Variants in HEMK1 observed in about 807,000 individuals in gnomAD.
The protein encoded by HEMK1 is HemK methyltransferase 1, mitochondrial release factors N(5)-glutamine, also known as MTRF1L release factor glutamine methyltransferase.
A neutral mutation model predicts 47.9 loss-of-function variants in HEMK1; 36 were observed. The ratio of observed to expected loss-of-function variants is 0.75; its 90% confidence interval spans 0.58 to 0.99. The LOEUF (loss-of-function observed/expected upper bound fraction) is 0.99. HEMK1 is among the 50% of genes least tolerant of loss of function. The probability of loss-of-function intolerance (pLI) is 0.00; values close to 1 mark genes in which losing one functional copy is unlikely to be tolerated. For synonymous variants in HEMK1, 153 were observed against 165.4 expected, an observed-to-expected ratio of 0.93 and a Z score of 0.57; for missense variants, 383 against 434.5, an observed-to-expected ratio of 0.88 and a Z score of 1.05.
At position 50,578,815 on chromosome 3, in the gene HEMK1, C is replaced by T. The variant is rs201849147; in HGVS notation, c.665-6C>T. ...CCCTACTGTGTGTCCTCTTCTTTGACGACAGAAAGGAGCTGGACACACCTG... is the reference window on the plus strand; with the variant it reads ...CCCTACTGTGTGTCCTCTTCTTTGATGACAGAAAGGAGCTGGACACACCTG... On this transcript the variant is annotated splice_polypyrimidine_tract_variant and splice_region_variant and intron_variant, in intron 7 of 10. Transcript: ENST00000232854. The T allele has an allele frequency of 6.4e-4, 1,019 of 1,601,410 alleles. 1 individual carries two copies. Among genetic ancestry groups the T allele is most frequent in the Non-Finnish European group, 7.1e-4 (835 of 1,169,870 alleles).
At position 50,571,006 on chromosome 3, in the gene HEMK1, G is replaced by C. The variant is rs1386251715; in HGVS notation, c.-99G>C. 6.9e-6 allele frequency: 6 copies of C among 870,014 alleles called. No individual in the cohort carries two copies. The Admixed American group carries it at 1.1e-4, about 16-fold the overall frequency. The allele number at this position is 870,014 out of a possible 1,614,324, so 53.9% of individuals were successfully genotyped here. On this transcript the variant is annotated 5_prime_UTR_variant, in exon 2 of 11. Coordinates refer to ENST00000232854, the MANE Select transcript of HEMK1 (RefSeq NM_016173.5). Reference sequence around the variant, plus strand: ...CTTGTGACCTCTCCATCTCCACCCAGCTGGGTCCAGGGGCCACTCTCAGCA... The same window carrying C: ...CTTGTGACCTCTCCATCTCCACCCACCTGGGTCCAGGGGCCACTCTCAGCA...
Position 50,570,911 on chromosome 3 carries a change from C to T in HEMK1, c.-174-20C>T. On this transcript the variant is annotated intron_variant, in intron 1 of 10. Coordinates refer to ENST00000232854, the MANE Select transcript of HEMK1 (RefSeq NM_016173.5). The stretch of plus-strand genomic sequence containing the variant: ...TGTCATACAAGGCTCACCTGCTTTC[C>T]TGGTTCCTCTCACTCCCAGGGTGGC... 2.1e-6 allele frequency: 1 copy of T among 484,892 alleles called. No individual in the cohort carries two copies. The highest frequency in any genetic ancestry group is 3.7e-6 in the Non-Finnish European group (1 of 273,748). 30.0% of individuals were successfully genotyped at this position (484,892 alleles called of 1,614,324 possible).
At position 50,571,326 on chromosome 3, in the gene HEMK1, C is replaced by A; in HGVS notation, c.222C>A (p.Ala74=). 6.3e-7 allele frequency: 1 copy of A among 1,586,110 alleles called. No individual in the cohort carries two copies. Among genetic ancestry groups the A allele is most frequent in the Non-Finnish European group, 8.6e-7 (1 of 1,165,148 alleles). ...ACATCGTGGCTCATGTCCTTGGAGC[C>A]AAAACAGTTAAGTTTAGTGTTGTCA... is the stretch of plus-strand genomic sequence containing the variant. ...SEYIVAHVLG[A]KTFQSLRPAL... Residue 74 remains alanine (A), a synonymous_variant, in exon 2 of 11, where the codon GCC becomes GCA. Transcript: ENST00000232854.
In HEMK1 at chr3:50,571,729, C is replaced by G. The variant is rs1171015840; in HGVS notation, c.248C>G (p.Ala83Gly). ...GAKTFQSLRP[A>G]LWTQPLTSQQ... ...GGACAGTTTCAGAGCCTGAGGCCGG[C>G]ACTTTGGACCCAGCCCTTGACCTCT... The change falls in exon 3 of 11, where the codon GCA (alanine) becomes GGA (glycine). Residue 83 changes from alanine to glycine, a missense_variant. Coordinates refer to ENST00000232854, the MANE Select transcript of HEMK1 (RefSeq NM_016173.5). The G allele has an allele frequency of 5.6e-6, 9 of 1,614,076 alleles. No individual in the cohort carries two copies. Among genetic ancestry groups the G allele is most frequent in the African/African-American group, 1.3e-5 (1 of 74,930 alleles).
chr3:50,575,524 A>C (rs951575948), intron 4 of HEMK1, among the ~76,000 whole-genome samples: 2 of 152,224 alleles, frequency 1.3e-5, no homozygotes, highest in Admixed American at 1.3e-4. Context: ...GTCAGACCTC[A>C]GGTCTTCCTA....
At chr3:50,577,600 C>T in intron 6 of HEMK1, 27 bp downstream of exon 6, 1 of 1,602,776 alleles carries the variant, frequency 6.2e-7, no homozygotes, top group Non-Finnish European at 8.5e-7. Flanking sequence ...CACTTTGGGG[C>T]CTAATCTTGA....
chr3:50,573,473 C>A (rs971000575), intron 4 of HEMK1, among the ~76,000 whole-genome samples: 1 of 152,226 alleles, frequency 6.6e-6, no homozygotes, highest in African/African-American at 2.4e-5. Flanking sequence ...TCAGAGCTGA[C>A]CTGGCACCAG....
At position 50,580,717 on chromosome 3, in the gene HEMK1, A is replaced by C; in HGVS notation, c.*300A>C. The C allele has an allele frequency of 4.5e-6, 2 of 444,358 alleles. No homozygotes were observed. Among genetic ancestry groups the C allele is most frequent in the Non-Finnish European group, 4.1e-6 (1 of 246,124 alleles). The allele number at this position is 444,358 out of a possible 1,614,324, so 27.5% of individuals were successfully genotyped here. ...TTGTCCATGACTTGCAGGTCCCCTG[A>C]CCCCCTTACTCCCAGGTAGCACTGG... On this transcript the variant is annotated 3_prime_UTR_variant, in exon 11 of 11. Transcript: ENST00000232854.
At chr3:50,580,021 G>T in intron 9 of HEMK1, 82 bp downstream of exon 9, 1 of 1,523,014 alleles carries the variant, frequency 6.6e-7, no homozygotes, top group South Asian at 1.1e-5. Context: ...CCTGGCAGAG[G>T]TCAGCACAGG....
chr3:50,572,185 T>C lies in HEMK1; in HGVS notation c.391T>C (p.Phe131Leu), dbSNP rs1411273613. 4 of 1,613,814 alleles carry C rather than the reference T, an allele frequency of 2.5e-6. No individual in the cohort carries two copies. The stretch of plus-strand genomic sequence containing the variant: ...CAGCCTAAGGATGGTGCCCCCAGTG[T>C]TTATTCCTCGGCCAGAAACAGAGGT... ...GLSLRMVPPVFIPRPETEELV... is the reference protein window; with the variant it reads ...GLSLRMVPPVLIPRPETEELV... Residue 131 changes from phenylalanine to leucine, a missense_variant, in exon 4 of 11, where the codon TTT becomes CTT. Physicochemically the swap from Phe to Leu is conservative, Grantham distance 22. Transcript: ENST00000232854.
chr3:50,574,512 G>A (rs1701362643), intron 4 of HEMK1, among the ~76,000 whole-genome samples: 1 of 152,180 alleles, frequency 6.6e-6, no homozygotes, highest in Admixed American at 6.5e-5. Flanking sequence ...ATCTCTGTGA[G>A]GTGGCTGGCC....
Position 50,592,912 on chromosome 3 carries a change from C to A in HEMK1, c.*12495C>A, listed in dbSNP as rs1206192191. ...CCAGCTTTTATTTACTCCTCTGTAC[C>A]CTGAGCACCATCAACTGGGTGCCAG... On this transcript the variant is annotated 3_prime_UTR_variant, in exon 11 of 11. Transcript: ENST00000232854. 6.6e-6 allele frequency: 1 copy of A among 152,294 alleles called. No homozygotes were observed. Among genetic ancestry groups the A allele is most frequent in the Admixed American group, 6.5e-5 (1 of 15,278 alleles). The allele number at this position is 152,294 out of a possible 1,614,324, so 9.4% of individuals were successfully genotyped here.
intron 7 of HEMK1, 131 bp downstream of exon 7, chr3:50,578,006 A>G (rs1559460554): frequency 2.4e-6 from 2 of 827,688 alleles, no homozygotes; most frequent in Non-Finnish European, 4.2e-6. Flanking sequence ...ACACACACAT[A>G]CACGTGTGTG....
At chr3:50,571,945 G>A in intron 3 of HEMK1, 144 bp downstream of exon 3, 1 of 1,290,352 alleles carries the variant, frequency 7.7e-7, no homozygotes, top group Non-Finnish European at 1.1e-6. Flanking sequence ...GTGGGGCCGG[G>A]GTACTGAATA....
At position 50,578,885 on chromosome 3, in the gene HEMK1, C is replaced by A; in HGVS notation, c.729C>A (p.Val243=). The part of the protein sequence containing the change: ...MDLIVSNPPY[V]FHQDMEQLAP... ...TGATTGTCAGCAACCCTCCCTACGT[C>A]TTCCACCAGGACATGGAGCAGCTGG... is the stretch of plus-strand genomic sequence containing the variant. The change falls in exon 8 of 11, where the codon GTC becomes GTA. Residue 243 remains valine, a synonymous_variant. Transcript: ENST00000232854. 1 of 1,613,326 alleles carries A rather than the reference C, an allele frequency of 6.2e-7. No homozygotes were observed. Among genetic ancestry groups the A allele is most frequent in the Non-Finnish European group, 8.5e-7 (1 of 1,179,654 alleles).
rs887183300 is a variant in HEMK1 at position 50,582,162 on chromosome 3, C to T, written c.*1745C>T. The T allele has an allele frequency of 6.6e-6, 1 of 152,256 alleles. No homozygotes were observed. Among genetic ancestry groups the T allele is most frequent in the African/African-American group, 2.4e-5 (1 of 41,452 alleles). The allele number at this position is 152,256 out of a possible 1,614,324, so 9.4% of individuals were successfully genotyped here. A position where few individuals can be genotyped will look rare whatever the true frequency, so the allele number is the denominator to read the frequency against. On this transcript the variant is annotated 3_prime_UTR_variant, in exon 11 of 11. Transcript: ENST00000232854. ...CCAGTCCTGGCTTCCCTGATGGTCTCTCCCTCCTGGCCTCAGGCCCATTCC... is the reference window on the plus strand; with the variant it reads ...CCAGTCCTGGCTTCCCTGATGGTCTTTCCCTCCTGGCCTCAGGCCCATTCC...
rs771949636 is a variant in HEMK1, at chr3:50,577,862, C to A, written c.651C>A (p.Leu217=). The change falls in exon 7 of 11, where the codon CTC becomes CTA. Residue 217 remains leucine, a synonymous_variant. Coordinates refer to ENST00000232854, the MANE Select transcript of HEMK1 (RefSeq NM_016173.5). ...RLQDRIWIIH[L]DMTSERSWTH... ...AGGACAGGATTTGGATCATCCACCT[C>A]GACATGACCTCAGGTACCCTCCCCT... 2.5e-6 allele frequency: 4 copies of A among 1,614,002 alleles called. No individual in the cohort carries two copies. The East Asian group carries it at 6.7e-5, about 27-fold the overall frequency.
chr3:50,576,846 C>T (rs990616146), intron 4 of HEMK1, among the ~76,000 whole-genome samples: 12 of 152,184 alleles, frequency 7.9e-5, no homozygotes, highest in Non-Finnish European at 2.9e-5. Context: ...GTGGGCTATC[C>T]TCAACTGGGC....
At position 50,585,167 on chromosome 3, in the gene HEMK1, TCCAGAGAGGACCTCAGAGACTGGGA is replaced by T. The variant is rs1305184232; in HGVS notation, c.*4754_*4778del. ...CCATGGCCCATCTCCAGAGACTGGG[TCCAGAGAGGACCTCAGAGACTGGGA>T]CCAAGCCTGTTCCTGCTCTCCTGTG... On this transcript the variant is annotated 3_prime_UTR_variant, in exon 11 of 11. Transcript: ENST00000232854. The T allele has an allele frequency of 6.6e-6, 1 of 152,176 alleles. No individual in the cohort carries two copies. Among genetic ancestry groups the T allele is most frequent in the African/African-American group, 2.4e-5 (1 of 41,382 alleles). 9.4% of individuals were successfully genotyped at this position (152,176 alleles called of 1,614,324 possible). A position where few individuals can be genotyped will look rare whatever the true frequency, so the allele number is the denominator to read the frequency against.
Sources: allele counts gnomAD v4.1 joint callset (sites outside exome capture counted in the v4.1 genomes callset), GRCh38; gene constraint gnomAD v4.1.1; transcripts MANE v1.5; gene names NCBI Gene and HGNC (gene_info 2026-07-23, HGNC 2026-07-21).